Variants in SULF1 observed in about 807,000 individuals in gnomAD.
SULF1 encodes sulfatase 1, also known as extracellular sulfatase Sulf-1.
A neutral mutation model predicts 110.5 loss-of-function variants in SULF1; 46 were observed. That is an observed-to-expected ratio of 0.42 (90% CI 0.33 to 0.53). SULF1 has a LOEUF of 0.53. Ranked by LOEUF, SULF1 falls within the 20% of genes least tolerant of loss-of-function variation. The pLI is 0.12. For synonymous variants in SULF1, 371 were observed against 387.1 expected, an observed-to-expected ratio of 0.96 and a Z score of 0.49; for missense variants, 941 against 1,094.2, an observed-to-expected ratio of 0.86 and a Z score of 1.98.
chr8:69,551,357 C>G (rs1814692804), intron 3 of SULF1, among the ~76,000 whole-genome samples: 1 of 152,178 alleles, frequency 6.6e-6, no homozygotes, highest in Non-Finnish European at 1.5e-5. Context: ...TTTGAGCAAC[C>G]TTACTCCTTC....
intron 5 of SULF1, 31 bp from the exon 6 acceptor site, chr8:69,575,939 T>C: frequency 6.2e-7 from 1 of 1,609,128 alleles, no homozygotes; most frequent in Non-Finnish European, 8.5e-7. Flanking sequence ...TGCTGCACTT[T>C]GCTAAACAAT....
At chr8:69,568,609 G>A (rs554767100) in intron 5 of SULF1, among the ~76,000 whole-genome samples, 3 of 152,196 alleles carry the variant, frequency 2.0e-5, no homozygotes, top group Non-Finnish European at 4.4e-5. Context: ...AACAGCCTGT[G>A]GAAAGATGAA....
chr8:69,581,222 G>A (rs1055341170), intron 6 of SULF1, among the ~76,000 whole-genome samples: 2 of 152,162 alleles, frequency 1.3e-5, no homozygotes, highest in East Asian at 1.9e-4. Flanking sequence ...TTACTAGCGT[G>A]AAATCCATCA....
upstream of SULF1, among the ~76,000 whole-genome samples, chr8:69,490,795 G>A (rs201315685): frequency 6.7e-6 from 1 of 149,090 alleles, no homozygotes; most frequent in East Asian, 2.0e-4. Context: ...ATCTGTAAAC[G>A]AAAACAAAAA....
At position 69,589,101 on chromosome 8, in the gene SULF1, C is replaced by G; in HGVS notation, c.694C>G (p.Pro232Ala). Residue 232 changes from proline to alanine, a missense_variant, in exon 8 of 23, where the codon CCA (proline) becomes GCA (alanine). By Grantham distance (27) the Pro-to-Ala change is conservative (BLOSUM62 -1). Around this residue, in one of 3 missense-constraint regions of SULF1, gnomAD observed 822 missense variants for 934.3 expected, o/e 0.88. Coordinates refer to ENST00000402687, the MANE Select transcript of SULF1 (RefSeq NM_001128205.2). The stretch of plus-strand genomic sequence containing the variant: ...GCCCCACGGCCCCGAGGACTCAGCC[C>G]CACAGTTTTCTAAACTGTACCCCAA... ...AAPHGPEDSAPQFSKLYPNAS... is the reference protein window; with the variant it reads ...AAPHGPEDSAAQFSKLYPNAS... 1 of 1,614,086 alleles carries G rather than the reference C, an allele frequency of 6.2e-7. No individual in the cohort carries two copies. Among genetic ancestry groups the G allele is most frequent in the South Asian group, 1.1e-5 (1 of 91,068 alleles).
chr8:69,590,765 G>A (rs960105152), intron 8 of SULF1, among the ~76,000 whole-genome samples: 21 of 152,194 alleles, frequency 1.4e-4, no homozygotes, highest in Admixed American at 3.9e-4. Context: ...AACTCCATGG[G>A]TGGATATTTA....
intron 8 of SULF1, among the ~76,000 whole-genome samples, chr8:69,595,039 A>C (rs1277777698): frequency 6.6e-6 from 1 of 152,228 alleles, no homozygotes; most frequent in Admixed American, 6.5e-5. Context: ...AAATATGTTC[A>C]CCTCACTAAA....
intron 22 of SULF1, among the ~76,000 whole-genome samples, chr8:69,651,369 T>C (rs1206715755): frequency 6.6e-6 from 1 of 152,138 alleles, no homozygotes; most frequent in African/African-American, 2.4e-5. Flanking sequence ...TCTATTGTTG[T>C]ACCTACAGAT....
intron 3 of SULF1, among the ~76,000 whole-genome samples, chr8:69,546,072 A>G (rs1300096786): frequency 6.6e-6 from 1 of 152,216 alleles, no homozygotes; most frequent in Non-Finnish European, 1.5e-5. Flanking sequence ...TTGTGGGCAC[A>G]TAGAGTTGCT....
intron 1 of SULF1, among the ~76,000 whole-genome samples, chr8:69,472,570 G>A (rs574499608): frequency 1.3e-5 from 2 of 152,322 alleles, no homozygotes; most frequent in African/African-American, 4.8e-5. Flanking sequence ...TGGATATTCA[G>A]TTCTAGCTTT....
intron 3 of SULF1, among the ~76,000 whole-genome samples, chr8:69,549,122 A>G (rs1209756070): frequency 1.3e-5 from 2 of 152,128 alleles, no homozygotes; most frequent in East Asian, 3.9e-4. Context: ...TCCATCAGCA[A>G]TCCTGCTCCT....
At chr8:69,569,308 A>G (rs115304131) in intron 5 of SULF1, among the ~76,000 whole-genome samples, 177 of 152,362 alleles carry the variant, frequency 1.2e-3, no homozygotes, top group African/African-American at 4.0e-3. Flanking sequence ...ATGTTGTTTG[A>G]TGAGCATACT....
intron 5 of SULF1, 52 bp from the exon 6 acceptor site, chr8:69,575,918 A>C: frequency 6.3e-7 from 1 of 1,590,090 alleles, no homozygotes. Context: ...CAATCGAAAT[A>C]GGCATTCATG....
chr8:69,546,793 T>C (rs548187684), intron 3 of SULF1, among the ~76,000 whole-genome samples: 1 of 152,170 alleles, frequency 6.6e-6, no homozygotes, highest in Non-Finnish European at 1.5e-5. Flanking sequence ...TTGCTAAAAT[T>C]ATTAGGAAGC....
intron 19 of SULF1, among the ~76,000 whole-genome samples, chr8:69,632,615 A>G (rs946288820): frequency 1.3e-5 from 2 of 152,216 alleles, no homozygotes; most frequent in Admixed American, 6.5e-5. Context: ...AGATCCTCCA[A>G]TGCAATGGTC....
At chr8:69,623,858 A>G in intron 14 of SULF1, 84 bp from the exon 15 acceptor site, 1 of 1,494,194 alleles carries the variant, frequency 6.7e-7, no homozygotes, top group Non-Finnish European at 9.0e-7. Context: ...CCACTCCAGG[A>G]TCCCTTCTGG....
chr8:69,622,885 G>T (rs1332402916), intron 14 of SULF1, among the ~76,000 whole-genome samples: 8 of 152,142 alleles, frequency 5.3e-5, no homozygotes, highest in Admixed American at 5.2e-4. Context: ...TGTCACGGAG[G>T]TTGCTCCCTG....
At chr8:69,592,898 T>C (rs998654019) in intron 8 of SULF1, 1 of 987,234 alleles carries the variant, frequency 1.0e-6, no homozygotes, top group African/African-American at 1.7e-5. Flanking sequence ...GATGAGCCTC[T>C]CACACCTGGC....
chr8:69,580,335 A>C lies in SULF1; in HGVS notation c.412+4126A>C, dbSNP rs576164502. Among the ~76,000 whole-genome samples the C allele has an allele frequency of 1.7e-3, 259 of 152,336 alleles. 1 individual carries two copies. Among genetic ancestry groups the C allele is most frequent in the African/African-American group, 5.6e-3 (231 of 41,582 alleles). ...CCAAAAAAATTAACTTAAATTTATT[A>C]TGAGGATATCAACATTAATATAAAA... On this transcript the variant is annotated intron_variant, in intron 6 of 22. Coordinates refer to ENST00000402687, the MANE Select transcript of SULF1 (RefSeq NM_001128205.2).
Sources: gnomAD v4.1 joint callset for allele counts (sites outside exome capture counted in the v4.1 genomes callset) on GRCh38, gnomAD v4.1.1 for gene constraint, gnomAD v4.1.1 regional missense constraint, MANE v1.5 for transcripts, NCBI Gene and HGNC (gene_info 2026-07-23, HGNC 2026-07-21) for gene names.